ITPR3: variants seen among roughly 807,000 people sequenced by gnomAD.
ITPR3 encodes inositol 1,4,5-trisphosphate receptor type 3, also known as inositol 1,4,5-trisphosphate-gated calcium channel ITPR3.
Under a neutral mutation model 293.2 loss-of-function variants are expected in ITPR3, and 173 were observed. The ratio of observed to expected loss-of-function variants is 0.59; its 90% CI spans 0.52 to 0.67. ITPR3 has a LOEUF of 0.67. Among genes scored for constraint, ITPR3 ranks in the 30% least tolerant of loss-of-function variants. ITPR3 has a pLI of 0.00. For synonymous variants in ITPR3, 1,295 were observed against 1,444.4 expected (o/e 0.90, Z 2.35); for missense variants, 2,796 against 3,592.1 (o/e 0.78, Z 5.66).
In ITPR3 at chr6:33,691,976, C is replaced by A. The variant is rs757910471; in HGVS notation, c.7458+48C>A. 1.1e-5 allele frequency: 17 copies of A among 1,611,118 alleles called. No homozygotes were observed. The South Asian group carries it at 1.8e-4, about 17-fold the overall frequency. On this transcript the variant is annotated intron_variant, in intron 54 of 57. Coordinates refer to ENST00000605930, the MANE Select transcript of ITPR3 (RefSeq NM_002224.4). This position sits in a 1 kb window ranked among gnomAD's most constrained non-coding sequence, Gnocchi z 4.9. Reference sequence around the variant, plus strand: ...AAACCTGTGGGGCCCAAGCCACTGTCCAGATCAGCAACTGTGGAGAGTCCT... The same window carrying A: ...AAACCTGTGGGGCCCAAGCCACTGTACAGATCAGCAACTGTGGAGAGTCCT...
intron 1 of ITPR3, among the ~76,000 whole-genome samples, chr6:33,622,570 TAC>T (rs1763464391): frequency 6.6e-6 from 1 of 152,200 alleles, no homozygotes; most frequent in African/African-American, 2.4e-5. Flanking sequence ...TTGTCCCGTT[TAC>T]AGTCTGGGGG....
rs752013367 is a variant in ITPR3, at chr6:33,687,591, G to T, written c.6264+27G>T. 6.4e-7 allele frequency: 1 copy of T among 1,555,572 alleles called. No individual in the cohort carries two copies. Among genetic ancestry groups the T allele is most frequent in the Non-Finnish European group, 8.8e-7 (1 of 1,134,420 alleles). The stretch of plus-strand genomic sequence containing the variant: ...TGGGTGCTGGCCCCGAGACTGGGGT[G>T]GGGGTGGGGCCTGGAACCCAGGGAG... On this transcript the variant is annotated intron_variant, in intron 46 of 57. Coordinates refer to ENST00000605930, the MANE Select transcript of ITPR3 (RefSeq NM_002224.4). The surrounding 1 kb of genome is among the most constrained non-coding windows in gnomAD (Gnocchi z 5.3).
In ITPR3 at chr6:33,674,214, A is replaced by C. The variant is rs746909002; in HGVS notation, c.3065A>C (p.Asn1022Thr). The change falls in exon 24 of 58, where the codon AAC becomes ACC. Residue 1022 changes from asparagine (N) to threonine (T), a missense_variant. Physicochemically the swap from Asn to Thr is moderately conservative, Grantham distance 65 (BLOSUM62 0). This residue lies in a region of ITPR3 where 955 missense variants were observed against 1,180.8 expected (regional missense o/e 0.81). Coordinates refer to ENST00000605930, the MANE Select transcript of ITPR3 (RefSeq NM_002224.4). ...TCTGCCCCTCTCCCCACAGCTGCCA[A>C]CATGAACCTGGATCGCATCGGGGAG... ...TAPAFDSTTA[N>T]MNLDRIGEQA... 1 of 1,614,050 alleles carries C rather than the reference A, an allele frequency of 6.2e-7. No individual in the cohort carries two copies. Among genetic ancestry groups the C allele is most frequent in the Non-Finnish European group, 8.5e-7 (1 of 1,179,938 alleles).
rs367578672 is a variant in ITPR3 at position 33,684,716 on chromosome 6, G to A, written c.5137+28G>A. 3.1e-6 allele frequency: 5 copies of A among 1,612,034 alleles called. No homozygotes were observed. Among genetic ancestry groups the A allele is most frequent in the Non-Finnish European group, 4.2e-6 (5 of 1,178,850 alleles). On this transcript the variant is annotated intron_variant, in intron 38 of 57. Coordinates refer to ENST00000605930, the MANE Select transcript of ITPR3 (RefSeq NM_002224.4). This position sits in a 1 kb window ranked among gnomAD's most constrained non-coding sequence, Gnocchi z 4.2. The stretch of plus-strand genomic sequence containing the variant: ...CAGTATCACCTTCCCCTGCCCCCGG[G>A]CCCTCCCTTCCACTCTCCTGTCACA...
intron 13 of ITPR3, among the ~76,000 whole-genome samples, chr6:33,665,469 G>T (rs982584555): frequency 1.3e-5 from 2 of 152,222 alleles, no homozygotes; most frequent in African/African-American, 4.8e-5. Context: ...TGGGTCTGAG[G>T]CTCAGAGAGG....
intron 1 of ITPR3, among the ~76,000 whole-genome samples, chr6:33,637,544 C>T (rs1008103779): frequency 2.0e-5 from 3 of 152,204 alleles, no homozygotes; most frequent in Non-Finnish European, 4.4e-5. Flanking sequence ...TCTCAGCACA[C>T]TGCAACCTCT....
At position 33,670,729 on chromosome 6, in the gene ITPR3, A is replaced by G; in HGVS notation, c.2500A>G (p.Met834Val). 6.2e-7 allele frequency: 1 copy of G among 1,614,116 alleles called. No individual in the cohort carries two copies. Among genetic ancestry groups the G allele is most frequent in the Non-Finnish European group, 8.5e-7 (1 of 1,180,000 alleles). The change falls in exon 20 of 58, where the codon ATG (methionine) becomes GTG (valine). Residue 834 changes from methionine to valine, a missense_variant. Physicochemically the swap from Met to Val is conservative, Grantham distance 21 (BLOSUM62 1). Around this residue, in one of 8 missense-constraint regions of ITPR3, gnomAD observed 955 missense variants for 1,180.8 expected, o/e 0.81. Transcript: ENST00000605930. This position sits in a 1 kb window ranked among gnomAD's most constrained non-coding sequence, Gnocchi z 6.7. ...DDKKNKFANTMEFVEDYLNNV... is the reference protein window; with the variant it reads ...DDKKNKFANTVEFVEDYLNNV... ...CAAGAAGAACAAGTTTGCCAACACC[A>G]TGGAGTTCGTGGAGGACTACCTCAA... is the stretch of plus-strand genomic sequence containing the variant.
rs924507685 is a variant in ITPR3 at position 33,670,087 on chromosome 6, C to T, written c.2190-238C>T. ...CCCACCCTTTCCCTCATCTTTCAGACGTCCCTCTTCCCATGAAGACCTGTC... is the reference window on the plus strand; with the variant it reads ...CCCACCCTTTCCCTCATCTTTCAGATGTCCCTCTTCCCATGAAGACCTGTC... On this transcript the variant is annotated intron_variant, in intron 18 of 57. Transcript: ENST00000605930. The surrounding 1 kb of genome is among the most constrained non-coding windows in gnomAD (Gnocchi z 6.7). Among the ~76,000 whole-genome samples the T allele has an allele frequency of 1.6e-4, 25 of 152,160 alleles. No homozygotes were observed. The highest frequency in any genetic ancestry group is 1.1e-3 in the Admixed American group (17 of 15,296).
Position 33,669,633 on chromosome 6 carries a change from C to T in ITPR3, c.2189+477C>T, listed in dbSNP as rs189363088. ...TCATCATCATAATAATCTCTTTAGA[C>T]GCCCTTCTTACAATGCTTGCCACGT... On this transcript the variant is annotated intron_variant, in intron 18 of 57. Transcript: ENST00000605930. Among the ~76,000 whole-genome samples, 6 of 152,360 alleles carry T rather than the reference C, an allele frequency of 3.9e-5. No individual in the cohort carries two copies. In the East Asian group the frequency reaches 5.8e-4, roughly 15 times the overall value.
In ITPR3 at chr6:33,654,717, G is replaced by A. The variant is rs776315622; in HGVS notation, c.161-1049G>A. Among the ~76,000 whole-genome samples, 16 of 152,252 alleles carry A rather than the reference G, an allele frequency of 1.1e-4. No individual in the cohort carries two copies. Among genetic ancestry groups the A allele is most frequent in the Non-Finnish European group, 1.9e-4 (13 of 68,024 alleles). On this transcript the variant is annotated intron_variant, in intron 2 of 57. Coordinates refer to ENST00000605930, the MANE Select transcript of ITPR3 (RefSeq NM_002224.4). The surrounding 1 kb of genome is among the most constrained non-coding windows in gnomAD (Gnocchi z 4.1). ...TTCTGTTCCACACTGCCAGAGCATT[G>A]TACAATCAGGGACTCACACAGCTGC...
chr6:33,686,161 G>T lies in ITPR3; in HGVS notation c.5776G>T (p.Gly1926Trp), dbSNP rs2127309322. ...GSTTGGLGLL[G>W]LYINEDNVGL... The stretch of plus-strand genomic sequence containing the variant: ...CACCACGGGCGGCCTGGGGCTGCTG[G>T]GGCTCTACATCAATGAGGACAACGT... The change falls in exon 42 of 58, where the codon GGG becomes TGG. Residue 1926 changes from glycine (G) to tryptophan (W), a missense_variant. Physicochemically the swap from Gly to Trp is radical, Grantham distance 184 (BLOSUM62 -2). This residue lies in a region of ITPR3 where 704 missense variants were observed against 797.5 expected (regional missense o/e 0.88). Transcript: ENST00000605930. 1 of 1,614,150 alleles carries T rather than the reference G, an allele frequency of 6.2e-7. No individual in the cohort carries two copies. Among genetic ancestry groups the T allele is most frequent in the South Asian group, 1.1e-5 (1 of 91,080 alleles).
At position 33,684,005 on chromosome 6, in the gene ITPR3, C is replaced by T. The variant is rs1765153873; in HGVS notation, c.4789-15C>T. 1 of 1,586,424 alleles carries T rather than the reference C, an allele frequency of 6.3e-7. No individual in the cohort carries two copies. Among genetic ancestry groups the T allele is most frequent in the Non-Finnish European group, 8.6e-7 (1 of 1,165,176 alleles). ...TTTCTTGGGCCTGGCAATGACTCTGCCCTGCCCACCCCAGGACATCATCAC... is the reference window on the plus strand; with the variant it reads ...TTTCTTGGGCCTGGCAATGACTCTGTCCTGCCCACCCCAGGACATCATCAC... On this transcript the variant is annotated splice_polypyrimidine_tract_variant and intron_variant, in intron 35 of 57. Coordinates refer to ENST00000605930, the MANE Select transcript of ITPR3 (RefSeq NM_002224.4). This position sits in a 1 kb window ranked among gnomAD's most constrained non-coding sequence, Gnocchi z 4.2.
Position 33,663,569 on chromosome 6 carries a change from C to A in ITPR3, c.1005+19C>A, listed in dbSNP as rs767549614. On this transcript the variant is annotated intron_variant, in intron 10 of 57. Coordinates refer to ENST00000605930, the MANE Select transcript of ITPR3 (RefSeq NM_002224.4). ...AGGAATGGTGAGGAGCAAAGCAGGTCTCCAGTGAGACCATGGGCCTGCCCT... is the reference window on the plus strand; with the variant it reads ...AGGAATGGTGAGGAGCAAAGCAGGTATCCAGTGAGACCATGGGCCTGCCCT... The A allele has an allele frequency of 1.2e-6, 2 of 1,603,632 alleles. No homozygotes were observed. Among genetic ancestry groups the A allele is most frequent in the African/African-American group, 2.7e-5 (2 of 74,666 alleles).
Position 33,690,098 on chromosome 6 carries a change from A to ATT in ITPR3, c.6933_6934insTT (p.Lys2312LeufsTer18), listed in dbSNP as rs1765350194. The stretch of plus-strand genomic sequence containing the variant: ...AACCGTGGCACCTTCATCCGGGGCT[A>ATT]TAAGGCCATGGTCATGGACATGGAA... On this transcript the variant is annotated frameshift_variant, in exon 51 of 58. Transcript: ENST00000605930. LOFTEE classifies it high-confidence loss of function. The ATT allele has an allele frequency of 6.2e-7, 1 of 1,614,184 alleles. No homozygotes were observed. Among genetic ancestry groups the ATT allele is most frequent in the Non-Finnish European group, 8.5e-7 (1 of 1,180,036 alleles).
In ITPR3 at chr6:33,684,940, C is replaced by A. The variant is rs375106725; in HGVS notation, c.5304C>A (p.Ile1768=). The A allele has an allele frequency of 4.8e-5, 77 of 1,608,650 alleles. No individual in the cohort carries two copies. The highest frequency in any genetic ancestry group is 6.3e-5 in the Non-Finnish European group (74 of 1,176,700). ...IHLLDGGNTE[I]QKSFHNLMMS... is the part of the protein sequence containing the mutation. ...TGCTGGATGGTGGCAACACAGAGAT[C>A]CAGGTGTGGGGGGCCTGGGGCCTGG... Residue 1768 remains isoleucine, a synonymous_variant, in exon 39 of 58, where the codon ATC becomes ATA. Transcript: ENST00000605930. The surrounding 1 kb of genome is among the most constrained non-coding windows in gnomAD (Gnocchi z 4.2).
intron 1 of ITPR3, among the ~76,000 whole-genome samples, chr6:33,639,684 GGATGGGTA>G (rs1763904633): frequency 6.6e-6 from 1 of 152,128 alleles, no homozygotes; most frequent in African/African-American, 2.4e-5. Flanking sequence ...AAGGGTGGCT[GGATGGGTA>G]GATGGGTGGA....
rs916918404 is a variant in ITPR3 at position 33,696,168 on chromosome 6, T to A, written c.*388T>A. 2.6e-5 allele frequency: 6 copies of A among 230,672 alleles called. No homozygotes were observed. Among genetic ancestry groups the A allele is most frequent in the Admixed American group, 1.0e-4 (2 of 19,708 alleles). The allele number at this position is 230,672 out of a possible 1,614,324, so 14.3% of individuals were successfully genotyped here. A position where few individuals can be genotyped will look rare whatever the true frequency, so the allele number is the denominator to read the frequency against. On this transcript the variant is annotated 3_prime_UTR_variant, in exon 58 of 58. Transcript: ENST00000605930. ...CTACATTTTGGCGGCTGCCGGCCTC[T>A]GGGGGAGGTGGCAGTTATGCTGTTA...
At position 33,647,699 on chromosome 6, in the gene ITPR3, T is replaced by C. The variant is rs562137691; in HGVS notation, c.160+7145T>C. 4.9e-4 allele frequency among the ~76,000 whole-genome samples: 74 copies of C among 152,350 alleles called. 1 individual carries two copies. Among genetic ancestry groups the C allele is most frequent in the South Asian group, 3.1e-3 (15 of 4,834 alleles). On this transcript the variant is annotated intron_variant, in intron 2 of 57. Transcript: ENST00000605930. Reference sequence around the variant, plus strand: ...TCTGTCAGAATTTCTCTCTTTCTTATGGTTACATAGCATTCCACACATAGA... The same window carrying C: ...TCTGTCAGAATTTCTCTCTTTCTTACGGTTACATAGCATTCCACACATAGA...
intron 2 of ITPR3, among the ~76,000 whole-genome samples, chr6:33,653,311 C>T (rs538108275): frequency 1.6e-4 from 18 of 115,746 alleles, no homozygotes; most frequent in Non-Finnish European, 2.4e-4. Flanking sequence ...GACAGGATTT[C>T]GTCATGTTGC....
Sources: allele counts gnomAD v4.1 joint callset (sites outside exome capture counted in the v4.1 genomes callset), GRCh38; gene constraint gnomAD v4.1.1; regional missense constraint gnomAD v4.1.1; non-coding constraint Gnocchi (gnomAD v3.1); transcripts MANE v1.5; gene names NCBI Gene and HGNC (gene_info 2026-07-23, HGNC 2026-07-21).